HIVEP1: variants seen among roughly 807,000 people sequenced by gnomAD.
HIVEP1 encodes the protein zinc finger protein 40.
A neutral mutation model predicts 180.0 loss-of-function variants in HIVEP1; 36 were observed. The observed-to-expected ratio is 0.20, with a 90% CI of 0.15 to 0.26. HIVEP1 has a LOEUF of 0.26. HIVEP1 is among the 10% of genes least tolerant of loss of function. HIVEP1 has a pLI of 1.00. For missense variants in HIVEP1, 3,143 were observed against 3,268.7 expected (o/e 0.96, Z 0.94); for synonymous variants, 1,239 against 1,239.0 (o/e 1.00, Z 0.00).
intron 2 of HIVEP1, among the ~76,000 whole-genome samples, chr6:12,052,274 C>G (rs1472045157): frequency 9.9e-5 from 15 of 152,176 alleles, no homozygotes; most frequent in Admixed American, 9.8e-4. Context: ...ATGCATCTTA[C>G]TGGAACCACC....
At chr6:12,042,297 G>A (rs962854267) in intron 2 of HIVEP1, among the ~76,000 whole-genome samples, 6 of 149,292 alleles carry the variant, frequency 4.0e-5, no homozygotes, top group African/African-American at 1.5e-4. Context: ...TAGCCAGGAT[G>A]GTCTCCATCT....
At chr6:12,110,826 G>A (rs1173511783) in intron 3 of HIVEP1, among the ~76,000 whole-genome samples, 1 of 152,208 alleles carries the variant, frequency 6.6e-6, no homozygotes, top group Non-Finnish European at 1.5e-5. Flanking sequence ...CTAGCCTTCA[G>A]CCTATCTCAG....
At chr6:12,184,160 G>A in the HIVEP1 span, among the ~76,000 whole-genome samples, 424 of 152,182 alleles carry the variant, frequency 2.8e-3, 1 homozygote, top group African/African-American at 9.5e-3. Context: ...AGATGTTGGA[G>A]GATTACCTTT....
At chr6:12,116,775 AT>A (rs1775243049) in intron 3 of HIVEP1, among the ~76,000 whole-genome samples, 1 of 152,188 alleles carries the variant, frequency 6.6e-6, no homozygotes, top group Non-Finnish European at 1.5e-5. Context: ...ATTCCCCATG[AT>A]CTCAGGCAGT....
At chr6:12,050,355 A>G (rs530199789) in intron 2 of HIVEP1, among the ~76,000 whole-genome samples, 18 of 152,222 alleles carry the variant, frequency 1.2e-4, no homozygotes, top group African/African-American at 4.1e-4. Flanking sequence ...GAAGGCCAAG[A>G]CGGGCGGATC....
intron 2 of HIVEP1, among the ~76,000 whole-genome samples, chr6:12,045,005 T>G (rs1292194799): frequency 1.3e-5 from 2 of 152,252 alleles, no homozygotes; most frequent in Non-Finnish European, 2.9e-5. Flanking sequence ...TTAAGAAGGT[T>G]CATGTTTATT....
At chr6:12,167,771 G>C (rs184671677), downstream of HIVEP1, among the ~76,000 whole-genome samples, 376 of 139,604 alleles carry the variant, frequency 2.7e-3, 1 homozygote, top group African/African-American at 9.3e-3. Flanking sequence ...ACATGTACAT[G>C]TGTAGATGTG....
chr6:12,138,521 A>T lies in HIVEP1; in HGVS notation c.6487+2629A>T, dbSNP rs150753879. On this transcript the variant is annotated intron_variant, in intron 7 of 8. Transcript: ENST00000379388. ...ACTGTTTCTAGCCTTCCACTAGCCCAGAGTGGTACCAGCTGTTCCTTTTCA... is the reference window on the plus strand; with the variant it reads ...ACTGTTTCTAGCCTTCCACTAGCCCTGAGTGGTACCAGCTGTTCCTTTTCA... Among the ~76,000 whole-genome samples, 119 of 152,314 alleles carry T rather than the reference A, an allele frequency of 7.8e-4. 2 individuals are homozygous for T. The East Asian group carries it at 0.022, about 28-fold the overall frequency.
downstream of HIVEP1, among the ~76,000 whole-genome samples, chr6:12,167,704 CAT>C (rs1760760329): frequency 1.6e-5 from 1 of 61,080 alleles, no homozygotes; most frequent in Admixed American, 1.8e-4. Flanking sequence ...TACATATATA[CAT>C]ATATGCATAA....
chr6:12,028,933 A>G (rs913751135), intron 2 of HIVEP1, among the ~76,000 whole-genome samples: 1 of 152,202 alleles, frequency 6.6e-6, no homozygotes, highest in Admixed American at 6.5e-5. Flanking sequence ...CCTATTCTGG[A>G]CATTTAATAA....
intron 6 of HIVEP1, among the ~76,000 whole-genome samples, chr6:12,131,319 A>G (rs1224291862): frequency 6.6e-6 from 1 of 152,006 alleles, no homozygotes; most frequent in Non-Finnish European, 1.5e-5. Flanking sequence ...GCTGGGTGCT[A>G]AAAGATTGAA....
chr6:12,204,576 T>C, the HIVEP1 span, among the ~76,000 whole-genome samples: 167 of 152,318 alleles, frequency 1.1e-3, 1 homozygote, highest in African/African-American at 3.9e-3. Flanking sequence ...TAACTTCTGG[T>C]TTCCACACTA....
At chr6:12,128,571 G>C (rs1581745539) in intron 4 of HIVEP1, among the ~76,000 whole-genome samples, 1 of 152,212 alleles carries the variant, frequency 6.6e-6, no homozygotes, top group Non-Finnish European at 1.5e-5. Flanking sequence ...CTTAACACTT[G>C]ACCTGGGACA....
intron 2 of HIVEP1, among the ~76,000 whole-genome samples, chr6:12,070,503 A>G (rs1285089147): frequency 6.6e-6 from 1 of 152,202 alleles, no homozygotes; most frequent in East Asian, 1.9e-4. Flanking sequence ...GTGCGTGGCC[A>G]ACATGGTGCA....
chr6:12,106,368 G>A (rs1774432015), intron 3 of HIVEP1, among the ~76,000 whole-genome samples: 1 of 151,632 alleles, frequency 6.6e-6, no homozygotes, highest in Non-Finnish European at 1.5e-5. Flanking sequence ...TTTTTCCGGG[G>A]GATGGTGTGT....
the HIVEP1 span, among the ~76,000 whole-genome samples, chr6:12,176,133 G>A: frequency 6.6e-6 from 1 of 152,188 alleles, no homozygotes; most frequent in Admixed American, 6.5e-5. Context: ...TGGCACAAGA[G>A]GGTATCTGAG....
intron 3 of HIVEP1, among the ~76,000 whole-genome samples, chr6:12,099,191 T>TA (rs1269987879): frequency 6.6e-6 from 1 of 150,586 alleles, no homozygotes; most frequent in Non-Finnish European, 1.5e-5. Flanking sequence ...GAGTTTTTTT[T>TA]TTTTTTTTGA....
At chr6:12,151,571 C>T (rs1759702452) in intron 7 of HIVEP1, among the ~76,000 whole-genome samples, 1 of 152,152 alleles carries the variant, frequency 6.6e-6, no homozygotes, top group Non-Finnish European at 1.5e-5. Context: ...ACAGTACAAG[C>T]GTCTTAACTT....
At chr6:12,205,342 G>A in the HIVEP1 span, among the ~76,000 whole-genome samples, 13 of 152,178 alleles carry the variant, frequency 8.5e-5, no homozygotes, top group East Asian at 2.1e-3. Context: ...TTGGTGGCAG[G>A]CGCCTGTAGT....
Sources: allele counts gnomAD v4.1 joint callset (sites outside exome capture counted in the v4.1 genomes callset), GRCh38; gene constraint gnomAD v4.1.1; transcripts MANE v1.5; gene names NCBI Gene and HGNC (gene_info 2026-07-23, HGNC 2026-07-21).